Variants in DPF3 observed in about 807,000 individuals in gnomAD.
DPF3 encodes zinc finger protein DPF3.
A neutral mutation model predicts 56.8 loss-of-function variants in DPF3; 18 were observed. That is an observed-to-expected ratio of 0.32 (90% CI 0.22 to 0.47). The LOEUF is 0.47. Ranked by LOEUF, DPF3 falls within the 20% of genes least tolerant of loss-of-function variation. DPF3 has a pLI of 1.00. For missense variants in DPF3, 403 were observed against 488.8 expected (o/e 0.82, Z 1.65); for synonymous variants, 188 against 180.2 (o/e 1.04, Z -0.35).
intron 1 of DPF3, among the ~76,000 whole-genome samples, chr14:72,875,946 G>C (rs1463540199): frequency 6.6e-6 from 1 of 152,156 alleles, no homozygotes; most frequent in Non-Finnish European, 1.5e-5. Context: ...TAATCCTCAG[G>C]GCACCATGCT....
intron 8 of DPF3, among the ~76,000 whole-genome samples, chr14:72,644,847 T>G (rs1278586180): frequency 1.3e-5 from 2 of 152,210 alleles, no homozygotes; most frequent in Non-Finnish European, 2.9e-5. Flanking sequence ...TAGGAATACA[T>G]CACCAGAAAT....
chr14:72,659,161 G>T (rs2153569100), intron 8 of DPF3, among the ~76,000 whole-genome samples: 1 of 152,258 alleles, frequency 6.6e-6, no homozygotes, highest in African/African-American at 2.4e-5. Flanking sequence ...TGAGCCTCAA[G>T]GGCTGTTCCA....
chr14:72,732,128 C>A (rs994565056), intron 3 of DPF3, among the ~76,000 whole-genome samples, 194 bp from the exon 4 acceptor site: 4 of 152,186 alleles, frequency 2.6e-5, no homozygotes, highest in Non-Finnish European at 1.5e-5. Flanking sequence ...GAGACAGATT[C>A]CGACCATGCC....
intron 1 of DPF3, among the ~76,000 whole-genome samples, chr14:72,789,434 G>A (rs1029017090): frequency 2.6e-5 from 4 of 152,214 alleles, no homozygotes; most frequent in African/African-American, 7.2e-5. Flanking sequence ...TCCACACCAC[G>A]CTGCCTCTGT....
chr14:72,691,425 G>A (rs998168480), intron 7 of DPF3, among the ~76,000 whole-genome samples: 9 of 152,174 alleles, frequency 5.9e-5, no homozygotes, highest in African/African-American at 1.4e-4. Context: ...TCTGACAGGT[G>A]TCCTTACAAG....
chr14:72,850,287 T>A lies in DPF3; in HGVS notation c.32+43770A>T, dbSNP rs530839439. 6.4e-4 allele frequency among the ~76,000 whole-genome samples: 98 copies of A among 152,276 alleles called. 2 individuals are homozygous for A. Among genetic ancestry groups the A allele is most frequent in the African/African-American group, 2.3e-3 (95 of 41,556 alleles). On this transcript the variant is annotated intron_variant, in intron 1 of 10. Coordinates refer to ENST00000556509, the MANE Select transcript of DPF3 (RefSeq NM_001280542.3). Reference sequence around the variant, plus strand: ...CCCTGGAAGGGCATAAACTTCCCAGTTGACCACAGTACAGTCCCCCAACCC... The same window carrying A: ...CCCTGGAAGGGCATAAACTTCCCAGATGACCACAGTACAGTCCCCCAACCC...
chr14:72,872,769 A>T (rs1485034814), intron 1 of DPF3, among the ~76,000 whole-genome samples: 1 of 152,182 alleles, frequency 6.6e-6, no homozygotes, highest in African/African-American at 2.4e-5. Flanking sequence ...ATAATGCCGC[A>T]TATCTACAAC....
At chr14:72,623,350 T>C (rs1396099983) in intron 9 of DPF3, among the ~76,000 whole-genome samples, 1 of 152,188 alleles carries the variant, frequency 6.6e-6, no homozygotes, top group Non-Finnish European at 1.5e-5. Context: ...GGCAAATGAA[T>C]TTGGTTATGT....
chr14:72,791,393 C>T (rs9635258), intron 1 of DPF3, among the ~76,000 whole-genome samples: 12,477 of 152,276 alleles, frequency 0.082, 778 homozygotes, highest in South Asian at 0.21. Context: ...TCTCTGTCTC[C>T]AAGACCTATA....
chr14:72,884,971 T>TATGTATATATATATATATA (rs10523148), intron 1 of DPF3, among the ~76,000 whole-genome samples: 1 of 111,682 alleles, frequency 9.0e-6, no homozygotes. Context: ...TATATATATA[T>TATGTATATATATATATATA]TAGCCGGGCG....
At chr14:72,744,530 T>C (rs1954591071) in intron 3 of DPF3, among the ~76,000 whole-genome samples, 1 of 152,142 alleles carries the variant, frequency 6.6e-6, no homozygotes, top group South Asian at 2.1e-4. Flanking sequence ...TCATCCCACA[T>C]GAGCAAAGTG....
chr14:72,623,903 T>C (rs1231447061), intron 9 of DPF3, among the ~76,000 whole-genome samples: 1 of 152,148 alleles, frequency 6.6e-6, no homozygotes, highest in Non-Finnish European at 1.5e-5. Context: ...GCATAAAATG[T>C]ATAAATATAT....
chr14:72,870,430 A>T (rs1885851508), intron 1 of DPF3, among the ~76,000 whole-genome samples: 1 of 152,202 alleles, frequency 6.6e-6, no homozygotes, highest in Admixed American at 6.5e-5. Flanking sequence ...TTACAGAGAC[A>T]CTTCACCTCT....
chr14:72,617,480 G>A lies in DPF3; in HGVS notation c.*1817C>T, dbSNP rs1472796896. On this transcript the variant is annotated 3_prime_UTR_variant, in exon 11 of 11. Transcript: ENST00000556509. ...CAGACAAGCTCACCGACCAGCAGGC[G>A]GAAGGAAATTACTTATGAGGAAGAT... 1.3e-5 allele frequency among the ~76,000 whole-genome samples: 2 copies of A among 152,064 alleles called. No individual in the cohort carries two copies. Among genetic ancestry groups the A allele is most frequent in the Non-Finnish European group, 2.9e-5 (2 of 68,012 alleles).
chr14:72,653,648 C>T (rs1885982798), intron 8 of DPF3, among the ~76,000 whole-genome samples: 1 of 152,208 alleles, frequency 6.6e-6, no homozygotes. Context: ...CCTTTTCCAA[C>T]TTGTCTAGGA....
intron 7 of DPF3, among the ~76,000 whole-genome samples, chr14:72,678,014 A>G (rs1599349550): frequency 6.6e-6 from 1 of 152,304 alleles, no homozygotes; most frequent in South Asian, 2.1e-4. Context: ...TTATCACACC[A>G]CAAAACTGTG....
intron 1 of DPF3, among the ~76,000 whole-genome samples, chr14:72,890,972 G>A (rs763774560): frequency 4.6e-5 from 7 of 152,178 alleles, no homozygotes; most frequent in Non-Finnish European, 1.0e-4. Flanking sequence ...GAAAAAGAAA[G>A]GGAGTTGAGG....
intron 1 of DPF3, among the ~76,000 whole-genome samples, chr14:72,808,186 A>G (rs1882873958): frequency 1.3e-5 from 2 of 152,124 alleles, no homozygotes; most frequent in South Asian, 4.1e-4. Context: ...GCAGGAAGAG[A>G]GAAATGGAGT....
chr14:72,803,943 A>G (rs1283924946), intron 1 of DPF3, among the ~76,000 whole-genome samples: 2 of 152,158 alleles, frequency 1.3e-5, no homozygotes, highest in African/African-American at 4.8e-5. Flanking sequence ...ACAGGCAAAT[A>G]ACTTCACTGA....
Sources: allele counts gnomAD v4.1 joint callset (sites outside exome capture counted in the v4.1 genomes callset), GRCh38; gene constraint gnomAD v4.1.1; transcripts MANE v1.5; gene names NCBI Gene and HGNC (gene_info 2026-07-23, HGNC 2026-07-21).